Variants in DRC11 observed in about 807,000 individuals in gnomAD.
The protein encoded by DRC11 is dynein regulatory complex subunit 11.
At chr2:236,408,573 G>A in the DRC11 span, 1 of 728,144 alleles carries the variant, frequency 1.4e-6, no homozygotes, top group Non-Finnish European at 2.6e-6. The surrounding 1 kb of genome is among the most constrained non-coding windows in gnomAD (Gnocchi z 5.5). Context: ...GCAGGTATAT[G>A]TGGGTGTGGC....
At chr2:236,479,258 C>T in the DRC11 span, among the ~76,000 whole-genome samples, 2 of 152,092 alleles carry the variant, frequency 1.3e-5, no homozygotes, top group Admixed American at 6.6e-5. The surrounding 1 kb of genome is among the most constrained non-coding windows in gnomAD (Gnocchi z 4.1). Context: ...TTCCTGTAGG[C>T]AGCATATGGT....
the DRC11 span, among the ~76,000 whole-genome samples, chr2:236,346,095 G>T: frequency 6.6e-6 from 1 of 152,232 alleles, no homozygotes; most frequent in African/African-American, 2.4e-5. Context: ...AGAAAAGAGT[G>T]CCAGCCAAGC....
chr2:236,490,132 G>A, the DRC11 span, among the ~76,000 whole-genome samples: 1 of 152,140 alleles, frequency 6.6e-6, no homozygotes. The surrounding 1 kb of genome is among the most constrained non-coding windows in gnomAD (Gnocchi z 5.5). Context: ...GCACAGGAAG[G>A]AGTGAGAAGG....
At chr2:236,497,725 A>G in the DRC11 span, among the ~76,000 whole-genome samples, 2 of 152,202 alleles carry the variant, frequency 1.3e-5, no homozygotes, top group African/African-American at 4.8e-5. This position sits in a 1 kb window ranked among gnomAD's most constrained non-coding sequence, Gnocchi z 5.1. Flanking sequence ...ATTTTGTCTA[A>G]ATGATATAAA....
At chr2:236,492,469 C>T in the DRC11 span, among the ~76,000 whole-genome samples, 1 of 152,182 alleles carries the variant, frequency 6.6e-6, no homozygotes, top group Admixed American at 6.5e-5. Context: ...TCCTTAACAC[C>T]ATCACCCAGG....
At chr2:236,353,938 C>A in the DRC11 span, among the ~76,000 whole-genome samples, 1 of 152,184 alleles carries the variant, frequency 6.6e-6, no homozygotes, top group African/African-American at 2.4e-5. This position sits in a 1 kb window ranked among gnomAD's most constrained non-coding sequence, Gnocchi z 5.0. Flanking sequence ...TTAAAAATTA[C>A]ATTTTAAGTT....
the DRC11 span, chr2:236,324,695 C>T: frequency 1.3e-6 from 2 of 1,561,640 alleles, no homozygotes; most frequent in Admixed American, 1.8e-5. The surrounding 1 kb of genome is among the most constrained non-coding windows in gnomAD (Gnocchi z 5.7). Flanking sequence ...CTTTTATTTC[C>T]TTTTCCCTTT....
the DRC11 span, among the ~76,000 whole-genome samples, chr2:236,372,864 C>T: frequency 6.6e-6 from 1 of 152,118 alleles, no homozygotes; most frequent in East Asian, 1.9e-4. This position sits in a 1 kb window ranked among gnomAD's most constrained non-coding sequence, Gnocchi z 4.5. Flanking sequence ...CTCCTGCCTC[C>T]GCCTCCCAGA....
chr2:236,494,908 G>A, the DRC11 span, among the ~76,000 whole-genome samples: 1 of 152,004 alleles, frequency 6.6e-6, no homozygotes, highest in African/African-American at 2.4e-5. The surrounding 1 kb of genome is among the most constrained non-coding windows in gnomAD (Gnocchi z 4.2). Flanking sequence ...GAGGAGAGAG[G>A]GCAGTAGGAG....
chr2:236,327,736 G>A, the DRC11 span, among the ~76,000 whole-genome samples: 3 of 152,028 alleles, frequency 2.0e-5, no homozygotes, highest in East Asian at 3.9e-4. Context: ...AGGCTGGAGT[G>A]CAATGGCATG....
the DRC11 span, among the ~76,000 whole-genome samples, chr2:236,472,984 T>C: frequency 6.6e-6 from 1 of 152,182 alleles, no homozygotes; most frequent in Non-Finnish European, 1.5e-5. The surrounding 1 kb of genome is among the most constrained non-coding windows in gnomAD (Gnocchi z 4.6). Flanking sequence ...CCAGGACATG[T>C]AGGGAACAGC....
At chr2:236,363,836 C>T in the DRC11 span, 1 of 1,613,958 alleles carries the variant, frequency 6.2e-7, no homozygotes, top group Non-Finnish European at 8.5e-7. This position sits in a 1 kb window ranked among gnomAD's most constrained non-coding sequence, Gnocchi z 5.6. Context: ...TATTTCCCAG[C>T]AATGTTAGAG....
chr2:236,384,563 C>G, the DRC11 span, among the ~76,000 whole-genome samples: 28 of 152,196 alleles, frequency 1.8e-4, no homozygotes, highest in Non-Finnish European at 2.8e-4. Context: ...GATATTAGCC[C>G]TTTGTCAGAT....
the DRC11 span, chr2:236,380,553 C>T: frequency 3.2e-6 from 5 of 1,548,064 alleles, no homozygotes; most frequent in South Asian, 6.0e-5. The surrounding 1 kb of genome is among the most constrained non-coding windows in gnomAD (Gnocchi z 4.9). Flanking sequence ...CACAACACAA[C>T]GAGTCCATTC....
chr2:236,333,062 A>G, the DRC11 span: 1 of 152,192 alleles, frequency 6.6e-6, no homozygotes, highest in Non-Finnish European at 1.5e-5. This position sits in a 1 kb window ranked among gnomAD's most constrained non-coding sequence, Gnocchi z 6.0. Flanking sequence ...GCATAGAAGG[A>G]TTGACTTCTC....
At chr2:236,460,041 T>C in the DRC11 span, among the ~76,000 whole-genome samples, 3 of 152,218 alleles carry the variant, frequency 2.0e-5, no homozygotes, top group Non-Finnish European at 2.9e-5. The surrounding 1 kb of genome is among the most constrained non-coding windows in gnomAD (Gnocchi z 4.0). Flanking sequence ...GGACTGACCG[T>C]GTTTCATGTT....
At chr2:236,345,602 C>T in the DRC11 span, among the ~76,000 whole-genome samples, 5 of 152,134 alleles carry the variant, frequency 3.3e-5, no homozygotes, top group Non-Finnish European at 7.4e-5. Context: ...GGCCTAGGCT[C>T]CCCCTGAAAG....
At chr2:236,475,018 A>G in the DRC11 span, among the ~76,000 whole-genome samples, 3 of 152,120 alleles carry the variant, frequency 2.0e-5, no homozygotes, top group African/African-American at 7.2e-5. The surrounding 1 kb of genome is among the most constrained non-coding windows in gnomAD (Gnocchi z 4.8). Context: ...GAAATATACA[A>G]TTGATTATTG....
chr2:236,422,314 T>A, the DRC11 span, among the ~76,000 whole-genome samples: 925 of 152,308 alleles, frequency 6.1e-3, 5 homozygotes, highest in African/African-American at 0.022. Flanking sequence ...AACCCCATCG[T>A]CTCAGCCCAA....
Sources: allele counts gnomAD v4.1 joint callset (sites outside exome capture counted in the v4.1 genomes callset), GRCh38; gene constraint gnomAD v4.1.1; non-coding constraint Gnocchi (gnomAD v3.1); transcripts MANE v1.5; gene names NCBI Gene and HGNC (gene_info 2026-07-23, HGNC 2026-07-21).